The following HGD variants were observed in gnomAD, a reference collection of about 807,000 sequenced individuals.
HGD encodes the protein homogentisate oxidase.
Under a neutral mutation model 60.8 loss-of-function variants are expected in HGD, and 61 were observed. The observed-to-expected ratio is 1.00, with a 90% confidence interval of 0.82 to 1.24. HGD has a LOEUF of 1.24. Ranked by LOEUF, HGD falls within the 50% of genes most tolerant of loss-of-function variation. The pLI is 0.00. For missense variants in HGD, 542 were observed against 547.1 expected (o/e 0.99, Z 0.09); for synonymous variants, 212 against 187.7 (o/e 1.13, Z -1.06).
chr3:120,638,551 T>C lies in HGD; in HGVS notation c.910A>G (p.Lys304Glu). 6.2e-7 allele frequency: 1 copy of C among 1,613,900 alleles called. No homozygotes were observed. The highest frequency in any genetic ancestry group is 2.2e-5 in the East Asian group (1 of 44,862). The change falls in exon 12 of 14, where the codon AAG becomes GAG. Residue 304 changes from lysine (K) to glutamate (E), a missense_variant. Coordinates refer to ENST00000283871, the MANE Select transcript of HGD (RefSeq NM_000187.4). ...ATGGCCACTCCAGGGCGGACAGACT[T>C]AGCAGTCAATACTGTGAAAATGGAT... ...DPSIFTVLTA[K>E]SVRPGVAIAD...
chr3:120,646,715 A>G (rs1448369843), intron 8 of HGD, among the ~76,000 whole-genome samples: 1 of 152,004 alleles, frequency 6.6e-6, no homozygotes, highest in African/African-American at 2.4e-5. Context: ...ACAGGGCCTT[A>G]TCCAGAGTAT....
chr3:120,630,843 TACACACACACAC>T (rs111540631), intron 13 of HGD, among the ~76,000 whole-genome samples: 2 of 116,700 alleles, frequency 1.7e-5, no homozygotes, highest in African/African-American at 3.7e-5. Flanking sequence ...CACACACACA[TACACACACACAC>T]ACACACACAC....
chr3:120,674,615 A>C (rs552604537), intron 3 of HGD: 13 of 367,392 alleles, frequency 3.5e-5, no homozygotes, highest in Non-Finnish European at 5.8e-5. Context: ...GAAGAAGACC[A>C]AACTATTAGG....
intron 11 of HGD, among the ~76,000 whole-genome samples, chr3:120,640,388 G>A (rs1487980145): frequency 6.6e-6 from 1 of 152,012 alleles, no homozygotes; most frequent in East Asian, 1.9e-4. Context: ...GAAGGGAGAG[G>A]GGCAAGAGGT....
intron 6 of HGD, among the ~76,000 whole-genome samples, 185 bp downstream of exon 6, chr3:120,650,589 C>T (rs1268985866): frequency 3.3e-5 from 5 of 152,208 alleles, no homozygotes; most frequent in Admixed American, 3.3e-4. Flanking sequence ...AAGATAAATG[C>T]CTTTTGTCTC....
intron 1 of HGD, among the ~76,000 whole-genome samples, chr3:120,681,862 GA>G (rs1449347226): frequency 6.6e-6 from 1 of 152,156 alleles, no homozygotes; most frequent in African/African-American, 2.4e-5. Context: ...GACAATAATT[GA>G]AATGAACAAA....
chr3:120,641,751 T>G (rs1440095090), intron 10 of HGD, 58 bp from the exon 11 acceptor site: 5 of 1,060,052 alleles, frequency 4.7e-6, no homozygotes, highest in Non-Finnish European at 7.4e-6. Flanking sequence ...GTAGCTGTGA[T>G]CCCACAATAT....
intron 11 of HGD, 94 bp from the exon 12 acceptor site, chr3:120,638,675 T>A: frequency 7.1e-7 from 1 of 1,415,150 alleles, no homozygotes; most frequent in Non-Finnish European, 9.9e-7. Context: ...TGTTTGCAAG[T>A]GACATTCTAA....
chr3:120,673,194 T>A (rs922562603), intron 3 of HGD, among the ~76,000 whole-genome samples: 1 of 152,162 alleles, frequency 6.6e-6, no homozygotes, highest in African/African-American at 2.4e-5. Context: ...GTGTCCCTTA[T>A]TTTTTAGCTG....
intron 4 of HGD, among the ~76,000 whole-genome samples, chr3:120,653,382 G>T (rs990279494): frequency 6.6e-6 from 1 of 152,164 alleles, no homozygotes; most frequent in Admixed American, 6.5e-5. Context: ...ATCCAGGCTG[G>T]CAGCTGATAA....
chr3:120,663,298 G>A (rs1707821062), intron 4 of HGD, among the ~76,000 whole-genome samples: 1 of 152,130 alleles, frequency 6.6e-6, no homozygotes, highest in Non-Finnish European at 1.5e-5. Flanking sequence ...TGAGAGTTGT[G>A]TTAGTCCATT....
intron 4 of HGD, among the ~76,000 whole-genome samples, chr3:120,663,267 G>A (rs1042828203): frequency 1.3e-5 from 2 of 152,156 alleles, no homozygotes; most frequent in Admixed American, 6.5e-5. Context: ...TCTCAGAGGG[G>A]AGATGATGAC....
intron 4 of HGD, among the ~76,000 whole-genome samples, chr3:120,661,850 T>A (rs149510448): frequency 6.6e-6 from 1 of 152,346 alleles, no homozygotes; most frequent in East Asian, 1.9e-4. Flanking sequence ...GGATCTGAAC[T>A]ATCAGGGAGT....
At chr3:120,635,564 T>G (rs1361335590) in intron 12 of HGD, among the ~76,000 whole-genome samples, 4 of 150,844 alleles carry the variant, frequency 2.7e-5, no homozygotes. Context: ...GAAATAATTC[T>G]CCATTTTCTC....
intron 4 of HGD, among the ~76,000 whole-genome samples, chr3:120,659,938 GAGAGT>G (rs1559794770): frequency 5.3e-4 from 77 of 145,688 alleles, no homozygotes; most frequent in East Asian, 1.6e-3. Context: ...AGGAGCAAGA[GAGAGT>G]GGGGGGTGGT....
At chr3:120,650,888 G>A (rs746819628) in intron 5 of HGD, 23 bp from the exon 6 acceptor site, 11 of 1,586,372 alleles carry the variant, frequency 6.9e-6, no homozygotes, top group Non-Finnish European at 8.7e-6. Flanking sequence ...CACAGAAGAG[G>A]GAAAGGTTAA....
At chr3:120,660,019 A>G (rs777765644) in intron 4 of HGD, among the ~76,000 whole-genome samples, 1 of 152,054 alleles carries the variant, frequency 6.6e-6, no homozygotes, top group Non-Finnish European at 1.5e-5. Context: ...TTCTCATGAC[A>G]GTGAGTTCTC....
intron 10 of HGD, among the ~76,000 whole-genome samples, chr3:120,643,036 G>T (rs1941038293): frequency 6.6e-6 from 1 of 152,174 alleles, no homozygotes. Flanking sequence ...TGTAAACAAT[G>T]ATCTGGGGAA....
chr3:120,654,992 A>G (rs1163107411), intron 4 of HGD, among the ~76,000 whole-genome samples: 1 of 152,178 alleles, frequency 6.6e-6, no homozygotes, highest in Non-Finnish European at 1.5e-5. Context: ...AATCTTCTGA[A>G]CCTGGGAGGT....
Sources: allele counts gnomAD v4.1 joint callset (sites outside exome capture counted in the v4.1 genomes callset), GRCh38; gene constraint gnomAD v4.1.1; transcripts MANE v1.5; gene names NCBI Gene and HGNC (gene_info 2026-07-23, HGNC 2026-07-21).